The following KRT80 variants were observed in gnomAD, a reference collection of about 807,000 sequenced individuals.
KRT80 encodes keratin, type II cytoskeletal 80.
KRT80 carries 36 observed loss-of-function variants against 51.5 expected under a neutral mutation model. That is an observed-to-expected ratio of 0.70 (90% CI 0.54 to 0.92). The LOEUF is 0.92. KRT80 is among the 40% of genes least tolerant of loss of function. KRT80 has a pLI of 0.00. For missense variants in KRT80, 566 were observed against 591.7 expected (o/e 0.96, Z 0.45); for synonymous variants, 235 against 248.3 (o/e 0.95, Z 0.50).
rs1941054609 is a variant in KRT80, at chr12:52,169,857, A to T, written c.*1541T>A. 1 of 152,252 alleles carries T rather than the reference A, an allele frequency of 6.6e-6. No individual in the cohort carries two copies. Among genetic ancestry groups the T allele is most frequent in the African/African-American group, 2.4e-5 (1 of 41,462 alleles). The allele number at this position is 152,252 out of a possible 1,614,324, so 9.4% of individuals were successfully genotyped here. A position where few individuals can be genotyped will look rare whatever the true frequency, so the allele number is the denominator to read the frequency against. On this transcript the variant is annotated 3_prime_UTR_variant, in exon 9 of 9. Transcript: ENST00000394815. The stretch of plus-strand genomic sequence containing the variant: ...GAGTTCCCATGGCCAGAGAGTCAGT[A>T]ACCCTCCAGTGCTCCCCACAGGCCT...
chr12:52,173,603 G>A lies in KRT80; in HGVS notation c.828C>T (p.Ser276=), dbSNP rs1367626631. 1.2e-6 allele frequency: 2 copies of A among 1,612,086 alleles called. No individual in the cohort carries two copies. The highest frequency in any genetic ancestry group is 1.3e-5 in the African/African-American group (1 of 74,860). The change falls in exon 5 of 9, where the codon AGC becomes AGT. Residue 276 remains serine, a synonymous_variant. Transcript: ENST00000394815. The part of the protein sequence containing the change: ...SLEEAEAYSR[S]QLEEQAARSA... Reference sequence around the variant, plus strand: ...TGCCCTGTGTGGTCAGCCCCACCTGGCTCCGAGAGTATGCCTCGGCCTCCT... The same window carrying A: ...TGCCCTGTGTGGTCAGCCCCACCTGACTCCGAGAGTATGCCTCGGCCTCCT...
At position 52,181,561 on chromosome 12, in the gene KRT80, C is replaced by G. The variant is rs61327216; in HGVS notation, c.510-598G>C. Among the ~76,000 whole-genome samples, 3 of 152,318 alleles carry G rather than the reference C, an allele frequency of 2.0e-5. No individual in the cohort carries two copies. In the East Asian group the frequency reaches 5.8e-4, roughly 29 times the overall value. ...CCCCTCCTCTCTTGGCTTCCTGCCT[C>G]TAAGGGGTAGGCATGTGCCCACGTG... On this transcript the variant is annotated intron_variant, in intron 2 of 8. Transcript: ENST00000394815.
chr12:52,191,885 G>A lies in KRT80; in HGVS notation c.18C>T (p.Cys6=), dbSNP rs759450262. The part of the protein sequence containing the change: MACRS[C]VVGFSSLSSC... The stretch of plus-strand genomic sequence containing the variant: ...TGCTGAGGCTGCTGAAGCCAACCAC[G>A]CAGGAGCGGCAGGCCATGGTGCCCC... Residue 6 remains cysteine, a synonymous_variant, in exon 1 of 9, where the codon TGC becomes TGT. Transcript: ENST00000394815. 8.1e-6 allele frequency: 12 copies of A among 1,484,822 alleles called. No individual in the cohort carries two copies. The highest frequency in any genetic ancestry group is 2.4e-5 in the East Asian group (1 of 40,918). 92.0% of individuals were successfully genotyped at this position (1,484,822 alleles called of 1,614,324 possible).
intron 4 of KRT80, among the ~76,000 whole-genome samples, chr12:52,176,619 T>C (rs1032600086): frequency 4.6e-5 from 7 of 152,066 alleles, no homozygotes; most frequent in Non-Finnish European, 1.0e-4. Context: ...GTAGCTGGGA[T>C]TACAGGCATG....
At chr12:52,172,938 C>T (rs1371798083) in intron 6 of KRT80, 100 bp downstream of exon 6, 6 of 1,392,428 alleles carry the variant, frequency 4.3e-6, no homozygotes, top group South Asian at 2.9e-5. Context: ...AAGCGACCCA[C>T]ACAGGGTCAC....
At chr12:52,176,160 T>C (rs554258005) in intron 4 of KRT80, among the ~76,000 whole-genome samples, 3 of 152,280 alleles carry the variant, frequency 2.0e-5, no homozygotes, top group African/African-American at 7.2e-5. Context: ...AAGCAGGAAA[T>C]GGAGCGTTCA....
intron 1 of KRT80, 173 bp from the exon 2 acceptor site, chr12:52,185,760 A>G (rs1364597889): frequency 8.0e-6 from 11 of 1,373,994 alleles, no homozygotes; most frequent in Non-Finnish European, 1.1e-5. Flanking sequence ...GATTGTTAAA[A>G]CTGAAGATGG....
chr12:52,186,850 G>T (rs1941415232), intron 1 of KRT80, among the ~76,000 whole-genome samples: 2 of 152,050 alleles, frequency 1.3e-5, no homozygotes, highest in Admixed American at 1.3e-4. Flanking sequence ...ACCCAGTCCA[G>T]CCCAGCTCAG....
rs532799258 is a variant in KRT80 at position 52,189,117 on chromosome 12, T to G, written c.300+2486A>C. On this transcript the variant is annotated intron_variant, in intron 1 of 8. Transcript: ENST00000394815. Reference sequence around the variant, plus strand: ...TCTGCTCCTCCTGAGTGCTCCCAGGTTCCTCTCAGTTCCTCAGAGGGCCCC... The same window carrying G: ...TCTGCTCCTCCTGAGTGCTCCCAGGGTCCTCTCAGTTCCTCAGAGGGCCCC... Among the ~76,000 whole-genome samples the G allele has an allele frequency of 4.6e-5, 7 of 152,254 alleles. No individual in the cohort carries two copies. In the South Asian group the frequency reaches 6.2e-4, roughly 14 times the overall value.
chr12:52,173,581 C>T lies in KRT80; in HGVS notation c.831+19G>A, dbSNP rs1565692094. On this transcript the variant is annotated intron_variant, in intron 5 of 8. Coordinates refer to ENST00000394815, the MANE Select transcript of KRT80 (RefSeq NM_182507.3). ...GAACTGTCCAGGCTGCTTCTCGTGC[C>T]CTGTGTGGTCAGCCCCACCTGGCTC... The T allele has an allele frequency of 6.2e-7, 1 of 1,610,946 alleles. No homozygotes were observed. Among genetic ancestry groups the T allele is most frequent in the Non-Finnish European group, 8.5e-7 (1 of 1,179,364 alleles).
intron 4 of KRT80, among the ~76,000 whole-genome samples, chr12:52,180,019 G>C (rs948712032): frequency 2.6e-5 from 4 of 152,178 alleles, no homozygotes; most frequent in Admixed American, 2.6e-4. Context: ...GCCCCACTGA[G>C]GACTTAGGAA....
In KRT80 at chr12:52,182,070, G is replaced by T. The variant is rs557463453; in HGVS notation, c.510-1107C>A. On this transcript the variant is annotated intron_variant, in intron 2 of 8. Coordinates refer to ENST00000394815, the MANE Select transcript of KRT80 (RefSeq NM_182507.3). The stretch of plus-strand genomic sequence containing the variant: ...GGAGCTGAGGGGCGTGGACCCAATG[G>T]CAGGGCACGTGGGTTTCTGGTCTCA... Among the ~76,000 whole-genome samples, 9 of 152,292 alleles carry T rather than the reference G, an allele frequency of 5.9e-5. No individual in the cohort carries two copies. In the East Asian group the frequency reaches 1.5e-3, roughly 26 times the overall value.
At chr12:52,177,382 T>C (rs1941245338) in intron 4 of KRT80, among the ~76,000 whole-genome samples, 1 of 152,072 alleles carries the variant, frequency 6.6e-6, no homozygotes, top group Non-Finnish European at 1.5e-5. Flanking sequence ...TGCAGGGGGT[T>C]GTCAGCAGAT....
chr12:52,181,044 C>T lies in KRT80; in HGVS notation c.510-81G>A, dbSNP rs78659113. 2.7e-3 allele frequency: 2,838 copies of T among 1,046,776 alleles called. 27 individuals are homozygous for T. The African/African-American group carries it at 0.031, about 11-fold the overall frequency. 64.8% of individuals were successfully genotyped at this position (1,046,776 alleles called of 1,614,324 possible). On this transcript the variant is annotated intron_variant, in intron 2 of 8. Transcript: ENST00000394815. Reference sequence around the variant, plus strand: ...AACTCCCCTTGGTTGGGGCTCAGGGCCTGTGCTATCCCACTTGGGGTCTCT... The same window carrying T: ...AACTCCCCTTGGTTGGGGCTCAGGGTCTGTGCTATCCCACTTGGGGTCTCT...
In KRT80 at chr12:52,180,556, CT is replaced by C; in HGVS notation, c.622del (p.Ser208AlafsTer8). Reference protein sequence around the residue: ...HRTELETKLKSLESFVELMKT... With the variant: ...HRTELETKLKXLESFVELMKT... ...CATCAACTCCACGAAGCTCTCCAGGCTTTTTAACTTGGTTTCCAGTTCAGTC... is the reference window on the plus strand; with the variant it reads ...CATCAACTCCACGAAGCTCTCCAGGCTTTTAACTTGGTTTCCAGTTCAGTC... On this transcript the variant is annotated frameshift_variant, in exon 4 of 9. Transcript: ENST00000394815. LOFTEE classifies it high-confidence loss of function. 3.4e-6 allele frequency: 5 copies of C among 1,486,904 alleles called. No homozygotes were observed. The highest frequency in any genetic ancestry group is 4.5e-6 in the Non-Finnish European group (5 of 1,119,074). The allele number at this position is 1,486,904 out of a possible 1,614,324, so 92.1% of individuals were successfully genotyped here.
Position 52,185,363 on chromosome 12 carries a change from A to T in KRT80, c.509+16T>A. Reference sequence around the variant, plus strand: ...CCCTCAGGCCTTGCTCATGGCTCTCATGGGGCTCTACGTACCTGATTCGAA... The same window carrying T: ...CCCTCAGGCCTTGCTCATGGCTCTCTTGGGGCTCTACGTACCTGATTCGAA... On this transcript the variant is annotated intron_variant, in intron 2 of 8. Coordinates refer to ENST00000394815, the MANE Select transcript of KRT80 (RefSeq NM_182507.3). 1 of 1,596,790 alleles carries T rather than the reference A, an allele frequency of 6.3e-7. No individual in the cohort carries two copies. The highest frequency in any genetic ancestry group is 8.6e-7 in the Non-Finnish European group (1 of 1,169,350).
At chr12:52,187,806 C>T (rs566850022) in intron 1 of KRT80, among the ~76,000 whole-genome samples, 1 of 152,246 alleles carries the variant, frequency 6.6e-6, no homozygotes, top group African/African-American at 2.4e-5. Context: ...ACCTTGCCTC[C>T]GTTTTGACAA....
At chr12:52,176,144 A>G (rs11829800) in intron 4 of KRT80, among the ~76,000 whole-genome samples, 28,254 of 152,240 alleles carry the variant, frequency 0.19, 2,879 homozygotes, top group African/African-American at 0.24. Flanking sequence ...GGAGCTTGGT[A>G]AACAAAAGCA....
In KRT80 at chr12:52,191,644, TCTC is replaced by T. The variant is rs777950129; in HGVS notation, c.256_258del (p.Glu86del). 3.7e-6 allele frequency: 6 copies of T among 1,608,116 alleles called. No homozygotes were observed. The East Asian group carries it at 8.9e-5, about 24-fold the overall frequency. On this transcript the variant is annotated inframe_deletion, in exon 1 of 9. Coordinates refer to ENST00000394815, the MANE Select transcript of KRT80 (RefSeq NM_182507.3). ...GCAAATTTATCATTGAGGGCCTTCATCTCCTCCTTCTCCTGGTTCTTCAGCTGC... is the reference window on the plus strand; with the variant it reads ...GCAAATTTATCATTGAGGGCCTTCATCTCCTTCTCCTGGTTCTTCAGCTGC...
Sources: gnomAD v4.1 joint callset for allele counts (sites outside exome capture counted in the v4.1 genomes callset) on GRCh38, gnomAD v4.1.1 for gene constraint, MANE v1.5 for transcripts, NCBI Gene and HGNC (gene_info 2026-07-23, HGNC 2026-07-21) for gene names.